ANHX: variants seen among roughly 807,000 people sequenced by gnomAD.
The protein encoded by ANHX is anomalous homeobox protein.
Under a neutral mutation model 38.9 loss-of-function variants are expected in ANHX, and 20 were observed. The ratio of observed to expected loss-of-function variants is 0.51; its 90% CI spans 0.36 to 0.75. The LOEUF is 0.75. ANHX is among the 30% of genes least tolerant of loss of function. ANHX has a pLI of 0.00. For synonymous variants in ANHX, 185 were observed against 203.1 expected, an observed-to-expected ratio of 0.91 and a Z score of 0.76; for missense variants, 475 against 493.1, an observed-to-expected ratio of 0.96 and a Z score of 0.35.
At position 133,234,366 on chromosome 12, in the gene ANHX, G is replaced by A. The variant is rs751861549; in HGVS notation, c.-10C>T. 3.5e-5 allele frequency: 53 copies of A among 1,528,500 alleles called. No individual in the cohort carries two copies. The highest frequency in any genetic ancestry group is 1.4e-4 in the Admixed American group (7 of 50,794). The allele number at this position is 1,528,500 out of a possible 1,614,324, so 94.7% of individuals were successfully genotyped here. ...TCAGGAAGCTCTGCATCCTGTGCTG[G>A]GTCGTGGCCACTCTGCCAACACAAA... On this transcript the variant is annotated 5_prime_UTR_variant, in exon 2 of 10. Transcript: ENST00000545940.
At position 133,234,162 on chromosome 12, in the gene ANHX, G is replaced by A. The variant is rs1389661219; in HGVS notation, c.195C>T (p.Cys65=). The change falls in exon 2 of 10, where the codon TGC becomes TGT. Residue 65 remains cysteine, a synonymous_variant. Transcript: ENST00000545940. ...LLDNADVALA[C]ARVLDQQEQQ... ...GCTCCTGCTGGTCCAGGACACGGGC[G>A]CACGCCAGGGCCACATCTGCGTTGT... is the stretch of plus-strand genomic sequence containing the variant. The A allele has an allele frequency of 6.5e-6, 10 of 1,535,990 alleles. No homozygotes were observed. The highest frequency in any genetic ancestry group is 5.5e-5 in the African/African-American group (4 of 73,054).
chr12:133,233,568 A>G (rs1054291980), intron 2 of ANHX, among the ~76,000 whole-genome samples: 3 of 152,200 alleles, frequency 2.0e-5, no homozygotes, highest in Admixed American at 1.3e-4. Flanking sequence ...GTCATCAAGC[A>G]TACTCTTATT....
chr12:133,227,104 A>T lies in ANHX; in HGVS notation c.550T>A (p.Trp184Arg). ...TSLTPEQVYN[W>R]FANYRRRQRA... is the part of the protein sequence containing the mutation. The stretch of plus-strand genomic sequence containing the variant: ...TGGCGGCGCCGGTAATTGGCAAACC[A>T]GTTGTACACCTGCTCAGGGGTCAAG... The change falls in exon 5 of 10, where the codon TGG becomes AGG. Residue 184 changes from tryptophan to arginine, a missense_variant. Transcript: ENST00000545940. 1 of 1,536,052 alleles carries T rather than the reference A, an allele frequency of 6.5e-7. No individual in the cohort carries two copies.
intron 3 of ANHX, among the ~76,000 whole-genome samples, chr12:133,230,333 C>T (rs1957252024): frequency 6.6e-6 from 1 of 152,266 alleles, no homozygotes; most frequent in Non-Finnish European, 1.5e-5. Context: ...TGATTTACTG[C>T]TGGGCTTCTG....
chr12:133,225,451 A>T (rs888345283), intron 7 of ANHX, among the ~76,000 whole-genome samples, 85 bp downstream of exon 7: 3 of 152,158 alleles, frequency 2.0e-5, no homozygotes, highest in Non-Finnish European at 2.9e-5. Context: ...GTGTGGCCCT[A>T]CCCACACTTC....
At chr12:133,235,295 C>T (rs1593980167) in intron 1 of ANHX, 2 of 152,338 alleles carry the variant, frequency 1.3e-5, no homozygotes, top group East Asian at 1.9e-4. Flanking sequence ...CGCCGACCCC[C>T]ACCGGCTCTG....
intron 5 of ANHX, among the ~76,000 whole-genome samples, 152 bp from the exon 6 acceptor site, chr12:133,226,590 C>A (rs931234080): frequency 6.6e-6 from 1 of 152,188 alleles, no homozygotes; most frequent in Non-Finnish European, 1.5e-5. Flanking sequence ...TGGTGTGAAC[C>A]AACAATCCAT....
At chr12:133,225,008 G>T (rs952437260) in intron 7 of ANHX, among the ~76,000 whole-genome samples, 4 of 151,878 alleles carry the variant, frequency 2.6e-5, no homozygotes, top group Non-Finnish European at 5.9e-5. Context: ...AGAAATTTGG[G>T]TGAATTCATA....
At position 133,232,957 on chromosome 12, in the gene ANHX, G is replaced by C. The variant is rs556655841; in HGVS notation, c.249+1151C>G. ...CTAGTTACAAACAGAGGCAGGGACA[G>C]AAAAGGGGTAACGGGGGGGCAATAC... On this transcript the variant is annotated intron_variant, in intron 2 of 9. Coordinates refer to ENST00000545940, the MANE Select transcript of ANHX (RefSeq NM_001372060.1). 2.7e-5 allele frequency among the ~76,000 whole-genome samples: 4 copies of C among 149,960 alleles called. No homozygotes were observed. In the East Asian group the frequency reaches 7.7e-4, roughly 29 times the overall value.
At chr12:133,229,968 T>C (rs1957245505) in intron 3 of ANHX, among the ~76,000 whole-genome samples, 1 of 152,182 alleles carries the variant, frequency 6.6e-6, no homozygotes, top group Non-Finnish European at 1.5e-5. Context: ...TCTGCTCACA[T>C]GGCTGACACA....
At chr12:133,224,787 A>G (rs1180764899) in intron 7 of ANHX, among the ~76,000 whole-genome samples, 1 of 150,164 alleles carries the variant, frequency 6.7e-6, no homozygotes, top group Non-Finnish European at 1.5e-5. Flanking sequence ...AACAGGGTGA[A>G]ACCCCGTCTC....
At chr12:133,234,519 C>T (rs1046042454) in intron 1 of ANHX, 141 bp from the exon 2 acceptor site, 1 of 937,614 alleles carries the variant, frequency 1.1e-6, no homozygotes. Flanking sequence ...AGACCTCACA[C>T]ATCCCGAGAG....
rs1957105852 is a variant in ANHX, at chr12:133,221,330, G to A, written c.1155C>T (p.Gly385=). 2 of 1,535,644 alleles carry A rather than the reference G, an allele frequency of 1.3e-6. No individual in the cohort carries two copies. The highest frequency in any genetic ancestry group is 2.4e-5 in the South Asian group (2 of 84,004). The change falls in exon 8 of 10, where the codon GGC becomes GGT. Residue 385 remains glycine, a synonymous_variant. Transcript: ENST00000545940. This position sits in a 1 kb window ranked among gnomAD's most constrained non-coding sequence, Gnocchi z 4.1. ...SPTGFSGPPS[G]HPQSVQLEEG... ...CCTCCAATTGCACGCTCTGGGGATG[G>A]CCGCTGGGGGGGCCAGAAAACCCTG...
In ANHX at chr12:133,231,530, G is replaced by A. The variant is rs1437001816; in HGVS notation, c.364C>T (p.Arg122Cys). ...CTTGTAGGTTACCTCTTCCTGCAGC[G>A]GAACTTCTGCACCGGGGTGAGCGCA... is the stretch of plus-strand genomic sequence containing the variant. ...VAALTPVQKF[R>C]CRKRNPPPPS... is the part of the protein sequence containing the mutation. The change falls in exon 3 of 10, where the codon CGC becomes TGC. Residue 122 changes from arginine (R) to cysteine (C), a missense_variant. Transcript: ENST00000545940. 9 of 1,536,108 alleles carry A rather than the reference G, an allele frequency of 5.9e-6. No individual in the cohort carries two copies. Among genetic ancestry groups the A allele is most frequent in the East Asian group, 2.4e-5 (1 of 40,916 alleles).
Position 133,221,407 on chromosome 12 carries a change from G to A in ANHX, c.1133-55C>T, listed in dbSNP as rs141093886. On this transcript the variant is annotated intron_variant, in intron 7 of 9. Transcript: ENST00000545940. The surrounding 1 kb of genome is among the most constrained non-coding windows in gnomAD (Gnocchi z 4.1). ...GGCAGGAGAAAGGAGCAGAGCCCAC[G>A]TGTGACACAACCAAGACCTCAAAGC... The A allele has an allele frequency of 2.5e-3, 3,792 of 1,495,134 alleles. 4 individuals are homozygous for A. The highest frequency in any genetic ancestry group is 6.2e-3 in the East Asian group (252 of 40,452). The allele number at this position is 1,495,134 out of a possible 1,614,324, so 92.6% of individuals were successfully genotyped here.
intron 1 of ANHX, 98 bp downstream of exon 1, chr12:133,235,709 C>T (rs1482909365): frequency 2.2e-5 from 3 of 133,428 alleles, no homozygotes; most frequent in Admixed American, 7.1e-5. Flanking sequence ...GCCCCTCACC[C>T]TCTGGGACCC....
chr12:133,223,798 G>T (rs1047586197), intron 7 of ANHX, among the ~76,000 whole-genome samples: 9 of 151,670 alleles, frequency 5.9e-5, no homozygotes, highest in African/African-American at 2.2e-4. Context: ...GAAGTAAAAA[G>T]ACCCACAACC....
rs780571215 is a variant in ANHX at position 133,219,375 on chromosome 12, A to G, written c.1281-8T>C. 1.3e-6 allele frequency: 2 copies of G among 1,513,836 alleles called. No homozygotes were observed. Among genetic ancestry groups the G allele is most frequent in the South Asian group, 2.5e-5 (2 of 81,314 alleles). The allele number at this position is 1,513,836 out of a possible 1,614,324, so 93.8% of individuals were successfully genotyped here. A position where few individuals can be genotyped will look rare whatever the true frequency, so the allele number is the denominator to read the frequency against. On this transcript the variant is annotated splice_region_variant and splice_polypyrimidine_tract_variant and intron_variant, in intron 8 of 9. Coordinates refer to ENST00000545940, the MANE Select transcript of ANHX (RefSeq NM_001372060.1). ...GGGGCCAGCTCTGGAGGGCTGGAAA[A>G]GAGACAGTGTAAGAATAGGCCCTAT...
At chr12:133,228,692 C>T (rs1566408619) in intron 3 of ANHX, among the ~76,000 whole-genome samples, 1 of 152,228 alleles carries the variant, frequency 6.6e-6, no homozygotes, top group Non-Finnish European at 1.5e-5. Context: ...TGAGGGGAGG[C>T]TCCAGCCGTG....
Sources: gnomAD v4.1 joint callset for allele counts (sites outside exome capture counted in the v4.1 genomes callset) on GRCh38, gnomAD v4.1.1 for gene constraint, Gnocchi (gnomAD v3.1) non-coding constraint, MANE v1.5 for transcripts, NCBI Gene and HGNC (gene_info 2026-07-23, HGNC 2026-07-21) for gene names.